The following ZNF442 variants were observed in gnomAD, a reference collection of about 807,000 sequenced individuals.
The protein encoded by ZNF442 is zinc finger protein 442.
In ZNF442, 45 loss-of-function variants were observed where a neutral mutation model predicts 57.0. The ratio of observed to expected loss-of-function variants is 0.79; its 90% CI spans 0.62 to 1.01. The LOEUF (loss-of-function observed/expected upper bound fraction) is 1.01, where lower values mean the gene tolerates loss of function less well. Among genes scored for constraint, ZNF442 ranks in the 50% least tolerant of loss-of-function variants. ZNF442 has a pLI of 0.00. For synonymous variants in ZNF442, 213 were observed against 241.8 expected (o/e 0.88, Z 1.10); for missense variants, 690 against 756.5 (o/e 0.91, Z 1.03).
At chr19:12,372,301 A>G in the ZNF442 span, among the ~76,000 whole-genome samples, 8 of 152,134 alleles carry the variant, frequency 5.3e-5, no homozygotes, top group Non-Finnish European at 1.2e-4. Context: ...TACTAAAAAT[A>G]CAAAAAAATT....
chr19:12,370,669 C>T (rs1402601439), upstream of ZNF442, among the ~76,000 whole-genome samples: 1 of 152,036 alleles, frequency 6.6e-6, no homozygotes, highest in Non-Finnish European at 1.5e-5. Flanking sequence ...AAAATGTTAT[C>T]CACTTTTTCA....
At chr19:12,363,782 G>A in intron 2 of ZNF442, 111 bp from the exon 3 acceptor site, 1 of 670,052 alleles carries the variant, frequency 1.5e-6, no homozygotes, top group Non-Finnish European at 2.6e-6. Context: ...TTCTCTGTGA[G>A]GCCCCACCCC....
chr19:12,353,384 A>T (rs1357803913), intron 3 of ZNF442, among the ~76,000 whole-genome samples: 3 of 152,130 alleles, frequency 2.0e-5, no homozygotes, highest in Admixed American at 6.5e-5. Context: ...ATCATCCCTA[A>T]TGTCTACTTT....
At chr19:12,373,239 A>G in the ZNF442 span, among the ~76,000 whole-genome samples, 1 of 152,038 alleles carries the variant, frequency 6.6e-6, no homozygotes, top group South Asian at 2.1e-4. Flanking sequence ...GATGCTGCAC[A>G]TGAAATTAGC....
chr19:12,361,481 C>T (rs1241727936), intron 3 of ZNF442, among the ~76,000 whole-genome samples: 1 of 152,158 alleles, frequency 6.6e-6, no homozygotes, highest in Non-Finnish European at 1.5e-5. Context: ...ATAAGTACCA[C>T]ATTTTCTGTT....
At chr19:12,366,717 G>A (rs371646727), upstream of ZNF442, among the ~76,000 whole-genome samples, 4 of 152,074 alleles carry the variant, frequency 2.6e-5, no homozygotes, top group South Asian at 2.1e-4. Flanking sequence ...TGCAACCTCC[G>A]CCTCCCAAGT....
At chr19:12,359,502 G>C (rs1245552871) in intron 3 of ZNF442, among the ~76,000 whole-genome samples, 5 of 152,100 alleles carry the variant, frequency 3.3e-5, no homozygotes, top group Non-Finnish European at 5.9e-5. Flanking sequence ...GATTAGCTGA[G>C]CAGTTTTGTC....
intron 3 of ZNF442, among the ~76,000 whole-genome samples, chr19:12,358,715 T>C (rs745314524): frequency 6.6e-6 from 1 of 152,210 alleles, no homozygotes; most frequent in Non-Finnish European, 1.5e-5. Flanking sequence ...TTCTGACCTG[T>C]AGTGTCTTAC....
chr19:12,373,064 A>ATG, the ZNF442 span, among the ~76,000 whole-genome samples: 6 of 152,030 alleles, frequency 3.9e-5, no homozygotes, highest in Non-Finnish European at 8.8e-5. Context: ...CAGCCACCGC[A>ATG]CCCAGCCGGA....
At chr19:12,357,598 C>T (rs1441271311) in intron 3 of ZNF442, among the ~76,000 whole-genome samples, 1 of 150,738 alleles carries the variant, frequency 6.6e-6, no homozygotes, top group African/African-American at 2.4e-5. Context: ...GGTGATCTAC[C>T]CACCTTGGCC....
intron 3 of ZNF442, among the ~76,000 whole-genome samples, chr19:12,362,481 C>G (rs1969449207): frequency 6.6e-6 from 1 of 151,496 alleles, no homozygotes; most frequent in South Asian, 2.1e-4. Context: ...CCCCTCCGCC[C>G]AGCAGCCGCC....
At chr19:12,363,016 A>C (rs1969463871) in intron 3 of ZNF442, among the ~76,000 whole-genome samples, 2 of 151,678 alleles carry the variant, frequency 1.3e-5, no homozygotes, top group African/African-American at 2.4e-5. Flanking sequence ...AAAATTAGCC[A>C]GGTGTGGTGG....
At chr19:12,353,176 C>A in intron 3 of ZNF442, 62 bp from the exon 4 acceptor site, 1 of 1,517,356 alleles carries the variant, frequency 6.6e-7, no homozygotes, top group Non-Finnish European at 8.8e-7. Context: ...AAATTTACAC[C>A]CACTTCATAA....
rs1011329484 is a variant in ZNF442 at position 12,351,999 on chromosome 19, G to A, written c.266+11C>T. The A allele has an allele frequency of 6.2e-6, 10 of 1,611,694 alleles. No homozygotes were observed. Among genetic ancestry groups the A allele is most frequent in the Non-Finnish European group, 7.6e-6 (9 of 1,178,812 alleles). Reference sequence around the variant, plus strand: ...ACAGATATATGTCTTTCTCTTGTGAGTGCAAATTACCTTAGGCTCCTCCTG... The same window carrying A: ...ACAGATATATGTCTTTCTCTTGTGAATGCAAATTACCTTAGGCTCCTCCTG... On this transcript the variant is annotated intron_variant, in intron 5 of 5. Coordinates refer to ENST00000242804, the MANE Select transcript of ZNF442 (RefSeq NM_030824.3).
the ZNF442 span, among the ~76,000 whole-genome samples, chr19:12,371,539 A>G: frequency 6.6e-6 from 1 of 152,220 alleles, no homozygotes; most frequent in Non-Finnish European, 1.5e-5. Context: ...CTAGTTCATT[A>G]CTGTGTTGAT....
At chr19:12,359,120 T>C (rs749790255) in intron 3 of ZNF442, among the ~76,000 whole-genome samples, 100 of 152,216 alleles carry the variant, frequency 6.6e-4, no homozygotes, top group Non-Finnish European at 1.1e-3. Flanking sequence ...ACATTTTTTA[T>C]TATATCAAAG....
chr19:12,350,501 T>C lies in ZNF442; in HGVS notation c.1084A>G (p.Ser362Gly). ...KICGKGFDCP[S>G]SLQSHERTHT... is the part of the protein sequence containing the mutation. ...GTTCTTTCATGACTTTGCAGTGAAC[T>C]AGGACAATCAAAGCCTTTCCCACAT... Residue 362 changes from serine to glycine, a missense_variant, in exon 6 of 6, where the codon AGT becomes GGT. Coordinates refer to ENST00000242804, the MANE Select transcript of ZNF442 (RefSeq NM_030824.3). 4 of 1,614,130 alleles carry C rather than the reference T, an allele frequency of 2.5e-6. No homozygotes were observed. Among genetic ancestry groups the C allele is most frequent in the Non-Finnish European group, 2.5e-6 (3 of 1,180,002 alleles).
chr19:12,367,456 T>G (rs1005633086), upstream of ZNF442, among the ~76,000 whole-genome samples: 5 of 152,142 alleles, frequency 3.3e-5, no homozygotes, highest in Admixed American at 6.5e-5. Flanking sequence ...ATAAACATCT[T>G]AACAGGAAAC....
At position 12,363,640 on chromosome 19, in the gene ZNF442, C is replaced by A. The variant is rs751246292; in HGVS notation, c.-9G>T. The A allele has an allele frequency of 2.1e-5, 34 of 1,613,754 alleles. No homozygotes were observed. The highest frequency in any genetic ancestry group is 1.6e-4 in the Middle Eastern group (1 of 6,084). On this transcript the variant is annotated 5_prime_UTR_variant, in exon 3 of 6. Coordinates refer to ENST00000242804, the MANE Select transcript of ZNF442 (RefSeq NM_030824.3). ...CCCCCAAATACAATCATTCAACTGG[C>A]TGACCAGCCGTGTGTCCCCAAGGAA... is the stretch of plus-strand genomic sequence containing the variant.
Sources: allele counts gnomAD v4.1 joint callset (sites outside exome capture counted in the v4.1 genomes callset), GRCh38; gene constraint gnomAD v4.1.1; transcripts MANE v1.5; gene names NCBI Gene and HGNC (gene_info 2026-07-23, HGNC 2026-07-21).